Variants in STARD7 observed in about 807,000 individuals in gnomAD.
The protein encoded by STARD7 is stAR-related lipid transfer protein 7, mitochondrial.
Under a neutral mutation model 45.3 loss-of-function variants are expected in STARD7, and 30 were observed. The ratio of observed to expected loss-of-function variants is 0.66; its 90% CI spans 0.50 to 0.90. The LOEUF (loss-of-function observed/expected upper bound fraction) is 0.90. Ranked by LOEUF, STARD7 falls within the 40% of genes least tolerant of loss-of-function variation. The pLI, the probability that STARD7 is intolerant of heterozygous loss-of-function variation, is 0.00. For synonymous variants in STARD7, 199 were observed against 183.0 expected, an observed-to-expected ratio of 1.09 and a Z score of -0.70; for missense variants, 495 against 491.3, an observed-to-expected ratio of 1.01 and a Z score of -0.07.
At chr2:96,190,616 G>A (rs1683111410) in intron 6 of STARD7, among the ~76,000 whole-genome samples, 3 of 152,040 alleles carry the variant, frequency 2.0e-5, no homozygotes, top group Non-Finnish European at 4.4e-5. Flanking sequence ...GGGATTACAG[G>A]CGTGAGCCAC....
At chr2:96,190,629 C>A (rs1016985214) in intron 6 of STARD7, among the ~76,000 whole-genome samples, 17 of 151,756 alleles carry the variant, frequency 1.1e-4, no homozygotes, top group Non-Finnish European at 4.4e-5. Context: ...TGAGCCACTG[C>A]GCCTGGCTTT....
At chr2:96,195,647 C>T (rs940830308) in intron 1 of STARD7, 98 bp from the exon 2 acceptor site, 13 of 849,538 alleles carry the variant, frequency 1.5e-5, no homozygotes, top group East Asian at 2.6e-5. Context: ...TACAGTAAAC[C>T]ACAGTATGTA....
intron 5 of STARD7, among the ~76,000 whole-genome samples, chr2:96,192,751 G>A (rs544039884): frequency 3.9e-5 from 6 of 152,084 alleles, no homozygotes; most frequent in African/African-American, 7.2e-5. Flanking sequence ...GAAACCCTGC[G>A]TCTACAACAA....
intron 1 of STARD7, among the ~76,000 whole-genome samples, chr2:96,195,898 A>C (rs1683197357): frequency 6.6e-6 from 1 of 152,020 alleles, no homozygotes; most frequent in African/African-American, 2.4e-5. Flanking sequence ...GTGGATCACG[A>C]GGTCAGGAGC....
At position 96,195,425 on chromosome 2, in the gene STARD7, G is replaced by T. The variant is rs1289002766; in HGVS notation, c.415C>A (p.Gln139Lys). The T allele has an allele frequency of 6.2e-7, 1 of 1,612,260 alleles. No individual in the cohort carries two copies. Among genetic ancestry groups the T allele is most frequent in the African/African-American group, 1.3e-5 (1 of 74,918 alleles). The change falls in exon 2 of 8, where the codon CAA becomes AAA. Residue 139 changes from glutamine to lysine, a missense_variant. Physicochemically the swap from Gln to Lys is moderately conservative, Grantham distance 53 (BLOSUM62 1). Coordinates refer to ENST00000337288, the MANE Select transcript of STARD7 (RefSeq NM_020151.4). ...TTATCCATCACCATTTCCCAACGTT[G>T]CTCTTTGCCCTCTGAATCTTCATTC... ...EGNEDSEGKEQRWEMVMDKKH... is the reference protein window; with the variant it reads ...EGNEDSEGKEKRWEMVMDKKH...
intron 1 of STARD7, among the ~76,000 whole-genome samples, chr2:96,201,077 T>C (rs1474047423): frequency 6.6e-6 from 1 of 152,210 alleles, no homozygotes; most frequent in African/African-American, 2.4e-5. Context: ...AATTAATCTA[T>C]CTTTATATCT....
chr2:96,189,947 G>T (rs1262136505), intron 6 of STARD7, among the ~76,000 whole-genome samples: 2 of 151,534 alleles, frequency 1.3e-5, no homozygotes, highest in Admixed American at 6.6e-5. Context: ...TGAATTAAAA[G>T]TATTAGTATA....
chr2:96,208,063 G>C (rs1013596157), intron 1 of STARD7, 82 bp downstream of exon 1: 4 of 1,348,450 alleles, frequency 3.0e-6, no homozygotes, highest in African/African-American at 3.0e-5. Flanking sequence ...GGGTAAACAA[G>C]GGCCAACGAC....
At chr2:96,188,439 C>G (rs1432966379) in intron 6 of STARD7, among the ~76,000 whole-genome samples, 1 of 150,740 alleles carries the variant, frequency 6.6e-6, no homozygotes, top group Non-Finnish European at 1.5e-5. Flanking sequence ...CCATGCCCAG[C>G]TAATTTTGTA....
At chr2:96,208,003 G>C in intron 1 of STARD7, 142 bp downstream of exon 1, 1 of 693,112 alleles carries the variant, frequency 1.4e-6, no homozygotes, top group South Asian at 2.3e-5. Context: ...ATAACAACGC[G>C]GTTTGCTGAA....
intron 2 of STARD7, 38 bp downstream of exon 2, chr2:96,195,303 C>T (rs17119362): frequency 0.034 from 51,326 of 1,493,458 alleles, 1,035 homozygotes; most frequent in Middle Eastern, 0.042. Flanking sequence ...TGCACCTGTG[C>T]AACTATGGAA....
intron 1 of STARD7, among the ~76,000 whole-genome samples, chr2:96,198,700 G>A (rs921241014): frequency 1.4e-4 from 21 of 152,070 alleles, no homozygotes; most frequent in Non-Finnish European, 4.4e-5. Flanking sequence ...TTTTAATTTT[G>A]ATGTTTATTT....
chr2:96,201,410 A>T (rs1473724321), intron 1 of STARD7, among the ~76,000 whole-genome samples: 2 of 99,344 alleles, frequency 2.0e-5, no homozygotes, highest in South Asian at 4.3e-4. Context: ...CTCCACCTCT[A>T]AAAAAAAAAA....
chr2:96,194,980 GGTGTCACATCT>G lies in STARD7; in HGVS notation c.516_526del (p.Asp173SerfsTer13). Reference sequence around the variant, plus strand: ...CACCTGAACATTGAAGAACTGCCGAGGTGTCACATCTGTGTAGGTTCCAAAAACTAGAATGA... The same window carrying G: ...CACCTGAACATTGAAGAACTGCCGAGGTGTAGGTTCCAAAAACTAGAATGA... On this transcript the variant is annotated frameshift_variant, in exon 3 of 8. Transcript: ENST00000337288. LOFTEE classifies it high-confidence loss of function. The G allele has an allele frequency of 6.2e-7, 1 of 1,610,542 alleles. No homozygotes were observed. The highest frequency in any genetic ancestry group is 8.5e-7 in the Non-Finnish European group (1 of 1,178,482).
At chr2:96,196,342 G>A (rs911741880) in intron 1 of STARD7, among the ~76,000 whole-genome samples, 8 of 152,102 alleles carry the variant, frequency 5.3e-5, no homozygotes, top group African/African-American at 1.9e-4. Context: ...GCACATGCCT[G>A]TACTCCAAGC....
At chr2:96,199,781 T>C (rs976858850) in intron 1 of STARD7, among the ~76,000 whole-genome samples, 7 of 152,238 alleles carry the variant, frequency 4.6e-5, no homozygotes, top group African/African-American at 1.7e-4. Context: ...AACTACACTG[T>C]TAGCTATGTT....
intron 3 of STARD7, 51 bp from the exon 4 acceptor site, chr2:96,193,403 T>C (rs1324559739): frequency 5.9e-6 from 7 of 1,184,484 alleles, no homozygotes; most frequent in Admixed American, 3.4e-5. Context: ...AAAACAAAAA[T>C]GCAGAAAGCT....
intron 1 of STARD7, 139 bp downstream of exon 1, chr2:96,208,006 T>G (rs1004180278): frequency 8.2e-6 from 6 of 731,798 alleles, no homozygotes. Flanking sequence ...ACAACGCGGT[T>G]TGCTGAAGCA....
intron 1 of STARD7, among the ~76,000 whole-genome samples, chr2:96,201,234 AAAT>A (rs1352502845): frequency 1.4e-4 from 21 of 152,052 alleles, no homozygotes; most frequent in Non-Finnish European, 2.9e-5. Context: ...GTAAATCAAG[AAAT>A]AATAAAATGA....
Sources: allele counts gnomAD v4.1 joint callset (sites outside exome capture counted in the v4.1 genomes callset), GRCh38; gene constraint gnomAD v4.1.1; transcripts MANE v1.5; gene names NCBI Gene and HGNC (gene_info 2026-07-23, HGNC 2026-07-21).